The following TUBA8 variants were observed in gnomAD, a reference collection of about 807,000 sequenced individuals.
The protein encoded by TUBA8 is tubulin alpha 8.
A neutral mutation model predicts 34.7 loss-of-function variants in TUBA8; 29 were observed. The ratio of observed to expected loss-of-function variants is 0.84; its 90% confidence interval spans 0.62 to 1.14. The LOEUF (loss-of-function observed/expected upper bound fraction) is 1.14. TUBA8 is among the 50% of genes most tolerant of loss of function. The pLI is 0.00. For missense variants in TUBA8, 541 were observed against 599.2 expected (o/e 0.90, Z 1.01); for synonymous variants, 226 against 231.2 (o/e 0.98, Z 0.21).
chr22:18,121,358 G>A lies in TUBA8; in HGVS notation c.4-121G>A, dbSNP rs779194064. 25 of 849,608 alleles carry A rather than the reference G, an allele frequency of 2.9e-5. No individual in the cohort carries two copies. The East Asian group carries it at 3.7e-4, about 13-fold the overall frequency. 52.6% of individuals were successfully genotyped at this position (849,608 alleles called of 1,614,324 possible). A position where few individuals can be genotyped will look rare whatever the true frequency, so the allele number is the denominator to read the frequency against. On this transcript the variant is annotated intron_variant, in intron 1 of 4. Transcript: ENST00000330423. This position sits in a 1 kb window ranked among gnomAD's most constrained non-coding sequence, Gnocchi z 4.8. Reference sequence around the variant, plus strand: ...GAGCTGGGGCACCTGCAGCCTCAACGCCAACTGGCAATGGGGGGCTGGGGC... The same window carrying A: ...GAGCTGGGGCACCTGCAGCCTCAACACCAACTGGCAATGGGGGGCTGGGGC...
rs372637923 is a variant in TUBA8 at position 18,121,713 on chromosome 22, C to T, written c.226+12C>T. 67 of 1,609,710 alleles carry T rather than the reference C, an allele frequency of 4.2e-5. 1 individual carries two copies. Among genetic ancestry groups the T allele is most frequent in the South Asian group, 3.0e-4 (27 of 90,974 alleles). ...GCCTACTGTAGTGGGTGAGTGGGGG[C>T]GGAGTTCCCCTCCACAGAGAACATC... On this transcript the variant is annotated intron_variant, in intron 2 of 4. Transcript: ENST00000330423. This position sits in a 1 kb window ranked among gnomAD's most constrained non-coding sequence, Gnocchi z 4.8.
chr22:18,121,427 G>A lies in TUBA8; in HGVS notation c.4-52G>A, dbSNP rs1323411407. On this transcript the variant is annotated intron_variant, in intron 1 of 4. Coordinates refer to ENST00000330423, the MANE Select transcript of TUBA8 (RefSeq NM_018943.3). This position sits in a 1 kb window ranked among gnomAD's most constrained non-coding sequence, Gnocchi z 4.8. ...GAATGTTATGGGGATGTAGGGCAAA[G>A]GCATGCTGGGGGCCCAGACTCTCTG... is the stretch of plus-strand genomic sequence containing the variant. The A allele has an allele frequency of 3.9e-6, 6 of 1,522,638 alleles. No homozygotes were observed. The highest frequency in any genetic ancestry group is 1.4e-5 in the African/African-American group (1 of 73,172). The allele number at this position is 1,522,638 out of a possible 1,614,324, so 94.3% of individuals were successfully genotyped here. A position where few individuals can be genotyped will look rare whatever the true frequency, so the allele number is the denominator to read the frequency against.
chr22:18,123,944 G>A lies in TUBA8; in HGVS notation c.227-212G>A, dbSNP rs527834543. The A allele has an allele frequency of 7.0e-5, 42 of 602,034 alleles. 1 individual carries two copies. The highest frequency in any genetic ancestry group is 4.2e-4 in the African/African-American group (23 of 54,396). 37.3% of individuals were successfully genotyped at this position (602,034 alleles called of 1,614,324 possible). On this transcript the variant is annotated intron_variant, in intron 2 of 4. Transcript: ENST00000330423. ...CCAGCAGGGCAGCCTGCTTCTCACC[G>A]CCCACATGAGCCACAGGCCTTGGCT...
rs1445700395 is a variant in TUBA8, at chr22:18,121,623, A to G, written c.148A>G (p.Thr50Ala). The G allele has an allele frequency of 1.9e-6, 3 of 1,614,146 alleles. No individual in the cohort carries two copies. The highest frequency in any genetic ancestry group is 2.5e-6 in the Non-Finnish European group (3 of 1,180,026). ...ASKINDDDSF[T>A]TFFSETGNGK... ...CAAGATCAACGATGATGACTCCTTC[A>G]CCACCTTTTTCAGCGAGACTGGCAA... The change falls in exon 2 of 5, where the codon ACC (threonine) becomes GCC (alanine). Residue 50 changes from threonine (T) to alanine (A), a missense_variant. Coordinates refer to ENST00000330423, the MANE Select transcript of TUBA8 (RefSeq NM_018943.3). The surrounding 1 kb of genome is among the most constrained non-coding windows in gnomAD (Gnocchi z 4.8).
rs748245408 is a variant in TUBA8, at chr22:18,130,881, G to T, written c.1095G>T (p.Gly365=). Residue 365 remains glycine, a synonymous_variant, in exon 5 of 5, where the codon GGG becomes GGT. Coordinates refer to ENST00000330423, the MANE Select transcript of TUBA8 (RefSeq NM_018943.3). ...INYQPPTVVP[G]GDLAKVQRAV... is the part of the protein sequence containing the mutation. The stretch of plus-strand genomic sequence containing the variant: ...ACCAGCCCCCGACCGTGGTCCCCGG[G>T]GGAGACCTGGCCAAGGTGCAGCGGG... The T allele has an allele frequency of 1.2e-6, 2 of 1,614,060 alleles. No individual in the cohort carries two copies. The highest frequency in any genetic ancestry group is 1.7e-6 in the Non-Finnish European group (2 of 1,180,018).
chr22:18,122,548 C>G (rs5993003), intron 2 of TUBA8: 16,304 of 152,272 alleles, frequency 0.11, 2,627 homozygotes, highest in African/African-American at 0.35. Context: ...GTGTCTTGAT[C>G]TGCTCTGTAT....
Position 18,126,156 on chromosome 22 carries a change from G to T in TUBA8, c.376-198G>T, listed in dbSNP as rs1021073744. The T allele has an allele frequency of 4.9e-6, 3 of 609,380 alleles. No homozygotes were observed. Among genetic ancestry groups the T allele is most frequent in the African/African-American group, 3.7e-5 (2 of 54,176 alleles). 37.7% of individuals were successfully genotyped at this position (609,380 alleles called of 1,614,324 possible). On this transcript the variant is annotated intron_variant, in intron 3 of 4. Coordinates refer to ENST00000330423, the MANE Select transcript of TUBA8 (RefSeq NM_018943.3). This position sits in a 1 kb window ranked among gnomAD's most constrained non-coding sequence, Gnocchi z 4.0. ...GGGATTACAGGCATTGAGTCACTGT[G>T]CCTGGCCCCATCCCATATTTTAGCC...
At position 18,110,961 on chromosome 22, in the gene TUBA8, T is replaced by C. The variant is rs1927785430; in HGVS notation, c.3+93T>C. The stretch of plus-strand genomic sequence containing the variant: ...GCGGAGGCGCACGGACCCGTCTTCC[T>C]GGAGCCGCAGGGCTCAAGGCCTTCT... On this transcript the variant is annotated intron_variant, in intron 1 of 4. Transcript: ENST00000330423. The surrounding 1 kb of genome is among the most constrained non-coding windows in gnomAD (Gnocchi z 6.2). The C allele has an allele frequency of 1.3e-6, 2 of 1,527,662 alleles. No homozygotes were observed. Among genetic ancestry groups the C allele is most frequent in the South Asian group, 2.4e-5 (2 of 83,780 alleles). The allele number at this position is 1,527,662 out of a possible 1,614,324, so 94.6% of individuals were successfully genotyped here.
chr22:18,121,649 TG>T lies in TUBA8; in HGVS notation c.177del (p.Lys60SerfsTer8). The T allele has an allele frequency of 6.2e-7, 1 of 1,614,160 alleles. No individual in the cohort carries two copies. The part of the protein sequence containing the change: ...FTTFFSETGN[G>X]KHVPRAVMID... ...CCACCTTTTTCAGCGAGACTGGCAA[TG>T]GGAAGCATGTGCCCCGGGCCGTCAT... On this transcript the variant is annotated frameshift_variant, in exon 2 of 5. Transcript: ENST00000330423. LOFTEE classifies it high-confidence loss of function. This position sits in a 1 kb window ranked among gnomAD's most constrained non-coding sequence, Gnocchi z 4.8.
chr22:18,121,004 T>C lies in TUBA8; in HGVS notation c.4-475T>C. The C allele has an allele frequency of 5.5e-6, 1 of 182,126 alleles. No homozygotes were observed. The highest frequency in any genetic ancestry group is 1.3e-4 in the East Asian group (1 of 7,676). 11.3% of individuals were successfully genotyped at this position (182,126 alleles called of 1,614,324 possible). A position where few individuals can be genotyped will look rare whatever the true frequency, so the allele number is the denominator to read the frequency against. On this transcript the variant is annotated intron_variant, in intron 1 of 4. Coordinates refer to ENST00000330423, the MANE Select transcript of TUBA8 (RefSeq NM_018943.3). This position sits in a 1 kb window ranked among gnomAD's most constrained non-coding sequence, Gnocchi z 4.8. ...ATACTTCCAGAGCATGTTCCTTTCA[T>C]GAGTGCTCATTTGCTCTGTGATATC...
In TUBA8 at chr22:18,124,273, T is replaced by A. The variant is rs749810234; in HGVS notation, c.344T>A (p.Ile115Asn). The change falls in exon 3 of 5, where the codon ATT (isoleucine) becomes AAT (asparagine). Residue 115 changes from isoleucine (I) to asparagine (N), a missense_variant. Coordinates refer to ENST00000330423, the MANE Select transcript of TUBA8 (RefSeq NM_018943.3). The surrounding 1 kb of genome is among the most constrained non-coding windows in gnomAD (Gnocchi z 4.3). ...CACTACACGGTGGGCAAGGAGAGCA[T>A]TGACCTGGTGCTGGACCGCATACGG... ...RGHYTVGKESIDLVLDRIRKL... is the reference protein window; with the variant it reads ...RGHYTVGKESNDLVLDRIRKL... 6.2e-7 allele frequency: 1 copy of A among 1,614,078 alleles called. No individual in the cohort carries two copies. Among genetic ancestry groups the A allele is most frequent in the East Asian group, 2.2e-5 (1 of 44,884 alleles).
intron 2 of TUBA8, chr22:18,123,860 C>A (rs1928233776): frequency 1.5e-5 from 6 of 403,934 alleles, no homozygotes; most frequent in Non-Finnish European, 2.4e-5. Flanking sequence ...CAGGCGTGAG[C>A]CACTGGGCCC....
intron 4 of TUBA8, chr22:18,127,975 G>C (rs1387088470): frequency 2.0e-5 from 3 of 152,090 alleles, no homozygotes; most frequent in African/African-American, 7.2e-5. Flanking sequence ...AGGAGCCACC[G>C]CGCCTGGCCT....
intron 1 of TUBA8, chr22:18,114,514 C>G (rs879257402): frequency 1.3e-5 from 2 of 152,216 alleles, no homozygotes; most frequent in Non-Finnish European, 2.9e-5. Flanking sequence ...GCCCTATGAT[C>G]GAAGAGTTCT....
chr22:18,129,717 GC>G (rs1226980525), intron 4 of TUBA8: 1 of 152,184 alleles, frequency 6.6e-6, no homozygotes, highest in Non-Finnish European at 1.5e-5. Context: ...TCCCACACCA[GC>G]CCCTCAGGAG....
rs1351933582 is a variant in TUBA8 at position 18,126,709 on chromosome 22, T to C, written c.731T>C (p.Phe244Ser). Residue 244 changes from phenylalanine (F) to serine (S), a missense_variant, in exon 4 of 5, where the codon TTT (phenylalanine) becomes TCT (serine). Transcript: ENST00000330423. This position sits in a 1 kb window ranked among gnomAD's most constrained non-coding sequence, Gnocchi z 4.0. The part of the protein sequence containing the change: ...IVSSITASLR[F>S]DGALNVDLTE... ...TCCTCAATCACTGCTTCTCTCCGCT[T>C]TGACGGGGCCCTCAATGTGGACCTC... is the stretch of plus-strand genomic sequence containing the variant. 6.2e-7 allele frequency: 1 copy of C among 1,614,030 alleles called. No homozygotes were observed.
rs1478859233 is a variant in TUBA8, at chr22:18,119,128, C to T, written c.4-2351C>T. The T allele has an allele frequency of 6.6e-6, 1 of 152,230 alleles. No homozygotes were observed. Among genetic ancestry groups the T allele is most frequent in the Non-Finnish European group, 1.5e-5 (1 of 68,064 alleles). The allele number at this position is 152,230 out of a possible 1,614,324, so 9.4% of individuals were successfully genotyped here. A position where few individuals can be genotyped will look rare whatever the true frequency, so the allele number is the denominator to read the frequency against. On this transcript the variant is annotated intron_variant, in intron 1 of 4. Transcript: ENST00000330423. The surrounding 1 kb of genome is among the most constrained non-coding windows in gnomAD (Gnocchi z 5.9). ...TAGAAGGAAAATACATAGGATCAGG[C>T]CCCCCTCGGGCCTCTCCAGTGTCCC...
At position 18,126,489 on chromosome 22, in the gene TUBA8, A is replaced by G; in HGVS notation, c.511A>G (p.Ile171Val). The G allele has an allele frequency of 3.1e-6, 5 of 1,614,070 alleles. No homozygotes were observed. Among genetic ancestry groups the G allele is most frequent in the Non-Finnish European group, 4.2e-6 (5 of 1,180,016 alleles). The change falls in exon 4 of 5, where the codon ATC becomes GTC. Residue 171 changes from isoleucine to valine, a missense_variant. Coordinates refer to ENST00000330423, the MANE Select transcript of TUBA8 (RefSeq NM_018943.3). The surrounding 1 kb of genome is among the most constrained non-coding windows in gnomAD (Gnocchi z 4.0). ...YGKKSKLEFA[I>V]YPAPQVSTAV... ...CAAGAAATCCAAGCTGGAGTTTGCCATCTACCCAGCCCCCCAGGTCTCTAC... is the reference window on the plus strand; with the variant it reads ...CAAGAAATCCAAGCTGGAGTTTGCCGTCTACCCAGCCCCCCAGGTCTCTAC...
rs138147707 is a variant in TUBA8, at chr22:18,126,781, C to T, written c.803C>T (p.Pro268Leu). Residue 268 changes from proline (P) to leucine (L), a missense_variant, in exon 4 of 5, where the codon CCG becomes CTG. By Grantham distance (98) the Pro-to-Leu change is moderately conservative (BLOSUM62 -3). Transcript: ENST00000330423. This position sits in a 1 kb window ranked among gnomAD's most constrained non-coding sequence, Gnocchi z 4.0. Reference sequence around the variant, plus strand: ...GTGCCCTACCCCCGCATCCACTTCCCGCTGGTCACCTACGCGCCCATCATC... The same window carrying T: ...GTGCCCTACCCCCGCATCCACTTCCTGCTGGTCACCTACGCGCCCATCATC... ...NLVPYPRIHFPLVTYAPIISA... is the reference protein window; with the variant it reads ...NLVPYPRIHFLLVTYAPIISA... 3.2e-5 allele frequency: 52 copies of T among 1,613,976 alleles called. No homozygotes were observed. The African/African-American group carries it at 4.1e-4, about 13-fold the overall frequency.
Sources: gnomAD v4.1 joint callset for allele counts on GRCh38, gnomAD v4.1.1 for gene constraint, Gnocchi (gnomAD v3.1) non-coding constraint, MANE v1.5 for transcripts, NCBI Gene and HGNC (gene_info 2026-07-23, HGNC 2026-07-21) for gene names.